Variants in BCL11B observed in about 807,000 individuals in gnomAD.
The protein encoded by BCL11B is B-cell lymphoma/leukemia 11B.
A neutral mutation model predicts 49.9 loss-of-function variants in BCL11B; 8 were observed. That is an observed-to-expected ratio of 0.16 (90% CI 0.09 to 0.29). The LOEUF is 0.29. Ranked by LOEUF, BCL11B falls within the 10% of genes least tolerant of loss-of-function variation. BCL11B has a pLI of 1.00. For synonymous variants in BCL11B, 739 were observed against 637.4 expected, an observed-to-expected ratio of 1.16 and a Z score of -2.40; for missense variants, 1,006 against 1,351.0, an observed-to-expected ratio of 0.74 and a Z score of 4.00.
At chr14:99,249,359 G>A (rs1286280238) in intron 2 of BCL11B, among the ~76,000 whole-genome samples, 3 of 152,122 alleles carry the variant, frequency 2.0e-5, no homozygotes, top group Admixed American at 2.0e-4. Flanking sequence ...GGGTAAACGT[G>A]TGCCATGGTG....
At chr14:99,198,833 GT>G (rs1887257198) in intron 3 of BCL11B, among the ~76,000 whole-genome samples, 1 of 152,064 alleles carries the variant, frequency 6.6e-6, no homozygotes, top group Non-Finnish European at 1.5e-5. Context: ...TTAATCAATG[GT>G]TTTAGAAAAC....
intron 1 of BCL11B, among the ~76,000 whole-genome samples, chr14:99,270,828 G>A (rs1889652737): frequency 7.6e-6 from 1 of 130,964 alleles, no homozygotes; most frequent in Admixed American, 7.9e-5. Context: ...CGCCACACAC[G>A]CCGCTCGGAG....
intron 3 of BCL11B, among the ~76,000 whole-genome samples, chr14:99,199,711 T>TGCGC (rs1566806831): frequency 1.5e-5 from 2 of 129,566 alleles, no homozygotes; most frequent in African/African-American, 2.7e-5. Flanking sequence ...TGCACGTGTG[T>TGCGC]GCGTGTGTGC....
chr14:99,268,292 C>T (rs1329332860), intron 1 of BCL11B, among the ~76,000 whole-genome samples: 1 of 151,964 alleles, frequency 6.6e-6, no homozygotes, highest in Admixed American at 6.5e-5. Context: ...TCCCCACCGC[C>T]ACCCACCCAC....
At chr14:99,236,247 ATAAAAATATTTT>A (rs1340739982) in intron 2 of BCL11B, among the ~76,000 whole-genome samples, 4 of 152,346 alleles carry the variant, frequency 2.6e-5, no homozygotes, top group African/African-American at 9.6e-5. Context: ...ACGCGGGCAA[ATAAAAATATTTT>A]TTTCTGATCA....
At chr14:99,221,924 G>C (rs1257447) in intron 3 of BCL11B, among the ~76,000 whole-genome samples, 102,808 of 152,068 alleles carry the variant, frequency 0.68, 35,005 homozygotes, top group Admixed American at 0.73. Context: ...AGGAAGACCT[G>C]GGGGATCCTC....
At chr14:99,198,819 C>T (rs1314556952) in intron 3 of BCL11B, among the ~76,000 whole-genome samples, 3 of 152,124 alleles carry the variant, frequency 2.0e-5, no homozygotes, top group Admixed American at 1.3e-4. Flanking sequence ...AAAAAACTTT[C>T]CACTTAATCA....
chr14:99,203,528 T>C (rs1186341534), intron 3 of BCL11B, among the ~76,000 whole-genome samples: 1 of 152,124 alleles, frequency 6.6e-6, no homozygotes, highest in African/African-American at 2.4e-5. Flanking sequence ...GAGAAGTGGG[T>C]TCGGAATGGG....
chr14:99,222,214 C>T (rs1443840180), intron 3 of BCL11B, among the ~76,000 whole-genome samples: 1 of 151,952 alleles, frequency 6.6e-6, no homozygotes, highest in Non-Finnish European at 1.5e-5. Flanking sequence ...ACAAAGAACA[C>T]CTCAAGCTTT....
intron 3 of BCL11B, among the ~76,000 whole-genome samples, chr14:99,215,374 G>A (rs542306130): frequency 6.6e-6 from 1 of 152,162 alleles, no homozygotes; most frequent in Admixed American, 6.5e-5. Flanking sequence ...TTGTGGCCGC[G>A]GCCCCTGCCA....
chr14:99,223,426 C>T (rs986837281), intron 3 of BCL11B, among the ~76,000 whole-genome samples: 3 of 152,188 alleles, frequency 2.0e-5, no homozygotes, highest in Non-Finnish European at 4.4e-5. Context: ...GCCAGAATTG[C>T]TTAGACACAC....
At position 99,232,610 on chromosome 14, in the gene BCL11B, G is replaced by A. The variant is rs899341945; in HGVS notation, c.428-1053C>T. 2.0e-5 allele frequency among the ~76,000 whole-genome samples: 3 copies of A among 152,172 alleles called. No homozygotes were observed. Among genetic ancestry groups the A allele is most frequent in the African/African-American group, 7.2e-5 (3 of 41,440 alleles). ...GGGCCCCCACGTGGATTCCCCCATC[G>A]CAAGGAGAGCCACAGGACCCTGCAA... On this transcript the variant is annotated intron_variant, in intron 2 of 3. Transcript: ENST00000357195. This position sits in a 1 kb window ranked among gnomAD's most constrained non-coding sequence, Gnocchi z 5.1.
At chr14:99,223,216 T>C (rs1433618560) in intron 3 of BCL11B, among the ~76,000 whole-genome samples, 1 of 152,224 alleles carries the variant, frequency 6.6e-6, no homozygotes, top group East Asian at 1.9e-4. Flanking sequence ...AAAAATAATA[T>C]TCTCTTTCAG....
At position 99,231,193 on chromosome 14, in the gene BCL11B, G is replaced by T; in HGVS notation, c.640+152C>A. ...GCACCGGGCCCTGGCTCATAGTTCA[G>T]CGAACATTCTTTACCACTTCCCCTG... On this transcript the variant is annotated intron_variant, in intron 3 of 3. Coordinates refer to ENST00000357195, the MANE Select transcript of BCL11B (RefSeq NM_138576.4). This position sits in a 1 kb window ranked among gnomAD's most constrained non-coding sequence, Gnocchi z 8.1. 2.3e-6 allele frequency: 2 copies of T among 861,444 alleles called. No individual in the cohort carries two copies. Among genetic ancestry groups the T allele is most frequent in the Non-Finnish European group, 3.5e-6 (2 of 572,504 alleles). The allele number at this position is 861,444 out of a possible 1,614,324, so 53.4% of individuals were successfully genotyped here.
rs933345717 is a variant in BCL11B, at chr14:99,232,528, C to T, written c.428-971G>A. On this transcript the variant is annotated intron_variant, in intron 2 of 3. Coordinates refer to ENST00000357195, the MANE Select transcript of BCL11B (RefSeq NM_138576.4). This position sits in a 1 kb window ranked among gnomAD's most constrained non-coding sequence, Gnocchi z 5.1. ...AAGAGGATGGGCAGCTGGGCCCAGCCGGCTTTGCCAGGGAGGCCCAGCACA... is the reference window on the plus strand; with the variant it reads ...AAGAGGATGGGCAGCTGGGCCCAGCTGGCTTTGCCAGGGAGGCCCAGCACA... Among the ~76,000 whole-genome samples the T allele has an allele frequency of 2.0e-5, 3 of 152,176 alleles. No individual in the cohort carries two copies. Among genetic ancestry groups the T allele is most frequent in the Non-Finnish European group, 4.4e-5 (3 of 68,024 alleles).
intron 3 of BCL11B, among the ~76,000 whole-genome samples, chr14:99,183,562 C>T (rs1210420588): frequency 6.6e-6 from 1 of 152,076 alleles, no homozygotes; most frequent in Non-Finnish European, 1.5e-5. Flanking sequence ...AGTTGCTGGA[C>T]ACCACAGGGC....
chr14:99,201,416 T>G (rs574019847), intron 3 of BCL11B, among the ~76,000 whole-genome samples: 4 of 152,166 alleles, frequency 2.6e-5, no homozygotes, highest in African/African-American at 9.7e-5. Context: ...GCTGTCATGA[T>G]CATCACCATC....
chr14:99,239,124 C>T (rs1783887567), intron 2 of BCL11B, among the ~76,000 whole-genome samples: 1 of 152,188 alleles, frequency 6.6e-6, no homozygotes, highest in Non-Finnish European at 1.5e-5. Context: ...CCAAATCTCA[C>T]CAGCAAAATC....
At chr14:99,179,137 A>G (rs927190392) in intron 3 of BCL11B, among the ~76,000 whole-genome samples, 1 of 152,232 alleles carries the variant, frequency 6.6e-6, no homozygotes, top group Non-Finnish European at 1.5e-5. Flanking sequence ...GGTAGCTACA[A>G]GTGCTAAAGA....
Sources: allele counts gnomAD v4.1 joint callset (sites outside exome capture counted in the v4.1 genomes callset), GRCh38; gene constraint gnomAD v4.1.1; non-coding constraint Gnocchi (gnomAD v3.1); transcripts MANE v1.5; gene names NCBI Gene and HGNC (gene_info 2026-07-23, HGNC 2026-07-21).